Variants in TSHZ2 observed in about 807,000 individuals in gnomAD.
TSHZ2 encodes the protein teashirt homolog 2.
In TSHZ2, 21 loss-of-function variants were observed where a neutral mutation model predicts 74.4. The ratio of observed to expected loss-of-function variants is 0.28; its 90% CI spans 0.20 to 0.41. TSHZ2 has a LOEUF of 0.41. TSHZ2 is among the 10% of genes least tolerant of loss of function. The probability of loss-of-function intolerance (pLI) is 1.00; values close to 1 mark genes in which losing one functional copy is unlikely to be tolerated. For missense variants in TSHZ2, 1,244 were observed against 1,293.5 expected (o/e 0.96, Z 0.59); for synonymous variants, 540 against 515.3 (o/e 1.05, Z -0.65).
In TSHZ2 at chr20:53,028,441, C is replaced by T. The variant is rs185276427; in HGVS notation, c.40+55108C>T. 2.7e-3 allele frequency among the ~76,000 whole-genome samples: 415 copies of T among 152,376 alleles called. 2 individuals are homozygous for T. The highest frequency in any genetic ancestry group is 9.4e-3 in the African/African-American group (392 of 41,596). On this transcript the variant is annotated intron_variant, in intron 1 of 2. Coordinates refer to ENST00000371497, the MANE Select transcript of TSHZ2 (RefSeq NM_173485.6). Reference sequence around the variant, plus strand: ...GGGAACCCTGGGCTTTGTTTATTGCCTAACACCTTGGCAATGTTTGATGAC... The same window carrying T: ...GGGAACCCTGGGCTTTGTTTATTGCTTAACACCTTGGCAATGTTTGATGAC...
At chr20:53,354,669 G>A (rs890677531) in intron 2 of TSHZ2, among the ~76,000 whole-genome samples, 3 of 152,192 alleles carry the variant, frequency 2.0e-5, no homozygotes, top group African/African-American at 4.8e-5. Flanking sequence ...CTGGAAAGGT[G>A]TCATTAACTC....
chr20:53,297,814 T>C (rs1420567270), intron 2 of TSHZ2, among the ~76,000 whole-genome samples: 2 of 152,238 alleles, frequency 1.3e-5, no homozygotes, highest in African/African-American at 4.8e-5. Flanking sequence ...GGCCCATGCC[T>C]GACACACTGA....
chr20:53,031,142 T>G (rs6013609), intron 1 of TSHZ2, among the ~76,000 whole-genome samples: 110,615 of 152,042 alleles, frequency 0.73, 41,740 homozygotes, highest in East Asian at 0.96. Context: ...GCCTGTTTAA[T>G]GCTTTTGCTA....
chr20:53,419,681 A>T (rs889421297), intron 2 of TSHZ2, among the ~76,000 whole-genome samples: 1 of 152,242 alleles, frequency 6.6e-6, no homozygotes, highest in African/African-American at 2.4e-5. Context: ...GTCAATAACA[A>T]ATAGTCTTCA....
At chr20:53,259,946 C>A (rs1312033227) in intron 2 of TSHZ2, among the ~76,000 whole-genome samples, 1 of 152,186 alleles carries the variant, frequency 6.6e-6, no homozygotes, top group Non-Finnish European at 1.5e-5. Context: ...AAATTAATAT[C>A]TATTAATGGC....
intron 1 of TSHZ2, among the ~76,000 whole-genome samples, chr20:53,245,872 C>G (rs1457272561): frequency 6.6e-6 from 1 of 152,144 alleles, no homozygotes; most frequent in Non-Finnish European, 1.5e-5. Flanking sequence ...CAGAAAAGCA[C>G]ACCAGATTCT....
At chr20:53,374,181 C>T (rs1981577621) in intron 2 of TSHZ2, among the ~76,000 whole-genome samples, 1 of 152,142 alleles carries the variant, frequency 6.6e-6, no homozygotes, top group Non-Finnish European at 1.5e-5. Flanking sequence ...CTGTTATTCC[C>T]TTCTTGGTGT....
intron 1 of TSHZ2, among the ~76,000 whole-genome samples, chr20:53,114,809 G>A (rs1195251040): frequency 1.4e-5 from 2 of 146,552 alleles, no homozygotes; most frequent in Non-Finnish European, 3.1e-5. Flanking sequence ...TATGCCTGGG[G>A]TGTGTGTGTG....
Position 53,254,554 on chromosome 20 carries a change from G to C in TSHZ2, c.1096G>C (p.Ala366Pro), listed in dbSNP as rs1990419631. The change falls in exon 2 of 3, where the codon GCC becomes CCC. Residue 366 changes from alanine to proline, a missense_variant. By Grantham distance (27) the Ala-to-Pro change is conservative. Transcript: ENST00000371497. ...CAACCGCTATGGCTACCAAAATGGA[G>C]CCAGCTACACCTGGCAGTTTGAGGC... ...SNNRYGYQNG[A>P]SYTWQFEACK... The C allele has an allele frequency of 2.5e-6, 4 of 1,613,782 alleles. No homozygotes were observed. The highest frequency in any genetic ancestry group is 3.4e-6 in the Non-Finnish European group (4 of 1,179,706).
At chr20:53,130,283 G>C (rs1193239735) in intron 1 of TSHZ2, among the ~76,000 whole-genome samples, 1 of 152,074 alleles carries the variant, frequency 6.6e-6, no homozygotes, top group African/African-American at 2.4e-5. Context: ...ATGGGAGCAA[G>C]GGAGAGCAAA....
chr20:53,262,341 C>T (rs570285397), intron 2 of TSHZ2, among the ~76,000 whole-genome samples: 26 of 152,028 alleles, frequency 1.7e-4, no homozygotes, highest in South Asian at 4.1e-4. Context: ...ATCTCTCTAA[C>T]GCATTGACAC....
chr20:53,256,324 A>G lies in TSHZ2; in HGVS notation c.2866A>G (p.Met956Val), dbSNP rs1196959555. Residue 956 changes from methionine (M) to valine (V), a missense_variant, in exon 2 of 3, where the codon ATG (methionine) becomes GTG (valine). Around this residue, in one of 6 missense-constraint regions of TSHZ2, gnomAD observed 185 missense variants for 213.3 expected, o/e 0.87. Transcript: ENST00000371497. This position sits in a 1 kb window ranked among gnomAD's most constrained non-coding sequence, Gnocchi z 4.3. ...TCACCTGGGTTTCCAAATGAAGGAC[A>G]TGACCCGCTTGTCAGTGGACCAGCA... ...ESHLGFQMKD[M>V]TRLSVDQQSK... 8.7e-6 allele frequency: 14 copies of G among 1,613,890 alleles called. No homozygotes were observed. In the East Asian group the frequency reaches 2.9e-4, roughly 33 times the overall value.
At chr20:53,063,023 T>C (rs965125385) in intron 1 of TSHZ2, among the ~76,000 whole-genome samples, 1 of 152,270 alleles carries the variant, frequency 6.6e-6, no homozygotes, top group South Asian at 2.1e-4. Context: ...TCCAGTTTGT[T>C]TGGCACCCCC....
intron 2 of TSHZ2, among the ~76,000 whole-genome samples, chr20:53,276,422 C>T (rs1456986858): frequency 1.3e-5 from 2 of 152,078 alleles, no homozygotes; most frequent in East Asian, 1.9e-4. Context: ...TGAGCAGCTG[C>T]GTAGATCTAT....
chr20:53,048,086 G>A (rs1046834451), intron 1 of TSHZ2, among the ~76,000 whole-genome samples: 2 of 152,086 alleles, frequency 1.3e-5, no homozygotes, highest in Non-Finnish European at 2.9e-5. Context: ...TACAGCTGGC[G>A]CTGACCTTCC....
intron 1 of TSHZ2, among the ~76,000 whole-genome samples, chr20:53,150,614 G>C (rs898723698): frequency 1.4e-5 from 2 of 147,004 alleles, no homozygotes; most frequent in African/African-American, 2.5e-5. Context: ...TCAACTACAG[G>C]AAAATAAAAT....
At chr20:53,044,005 A>T (rs1227412115) in intron 1 of TSHZ2, among the ~76,000 whole-genome samples, 2 of 152,224 alleles carry the variant, frequency 1.3e-5, no homozygotes, top group Non-Finnish European at 2.9e-5. Context: ...ATTCTCTATG[A>T]GAGGGTATGT....
intron 2 of TSHZ2, among the ~76,000 whole-genome samples, chr20:53,260,031 C>T (rs7348690): frequency 1.3e-5 from 2 of 151,680 alleles, no homozygotes; most frequent in African/African-American, 4.9e-5. Flanking sequence ...TCCTTCATTC[C>T]TTCCTCTTTC....
At chr20:53,404,917 C>G (rs1348127988) in intron 2 of TSHZ2, among the ~76,000 whole-genome samples, 1 of 152,166 alleles carries the variant, frequency 6.6e-6, no homozygotes, top group Non-Finnish European at 1.5e-5. Flanking sequence ...TATTATCTGA[C>G]TGCTTCTGTT....
Sources: gnomAD v4.1 joint callset for allele counts (sites outside exome capture counted in the v4.1 genomes callset) on GRCh38, gnomAD v4.1.1 for gene constraint, gnomAD v4.1.1 regional missense constraint, Gnocchi (gnomAD v3.1) non-coding constraint, MANE v1.5 for transcripts, NCBI Gene and HGNC (gene_info 2026-07-23, HGNC 2026-07-21) for gene names.